ST6GAL1: variants seen among roughly 807,000 people sequenced by gnomAD.
ST6GAL1 encodes ST6 beta-galactoside alpha-2,6-sialyltransferase 1.
A neutral mutation model predicts 38.0 loss-of-function variants in ST6GAL1; 20 were observed. That is an observed-to-expected ratio of 0.53 (90% CI 0.37 to 0.77). The LOEUF is 0.77. ST6GAL1 is among the 30% of genes least tolerant of loss of function. The pLI is 0.00. For synonymous variants in ST6GAL1, 196 were observed against 188.2 expected, an observed-to-expected ratio of 1.04 and a Z score of -0.34; for missense variants, 432 against 496.4, an observed-to-expected ratio of 0.87 and a Z score of 1.23.
intron 1 of ST6GAL1, among the ~76,000 whole-genome samples, chr3:186,941,796 A>G (rs1038477021): frequency 4.6e-5 from 7 of 152,012 alleles, no homozygotes; most frequent in African/African-American, 1.7e-4. Flanking sequence ...GCGGATCATG[A>G]GGTCAGGAGA....
intron 5 of ST6GAL1, among the ~76,000 whole-genome samples, chr3:187,061,503 G>A (rs947379966): frequency 1.3e-5 from 2 of 152,024 alleles, no homozygotes; most frequent in African/African-American, 4.8e-5. Context: ...AATCGAGAGA[G>A]TGAGGTACAA....
At chr3:186,954,827 T>C (rs948018066) in intron 1 of ST6GAL1, among the ~76,000 whole-genome samples, 2 of 152,238 alleles carry the variant, frequency 1.3e-5, no homozygotes, top group African/African-American at 2.4e-5. Context: ...AGAAGCTCTT[T>C]AGTTTAATCA....
At chr3:186,998,679 A>T (rs1410643691) in intron 2 of ST6GAL1, among the ~76,000 whole-genome samples, 1 of 152,210 alleles carries the variant, frequency 6.6e-6, no homozygotes, top group East Asian at 1.9e-4. Context: ...ATTTAACTCA[A>T]TATATTCAAA....
At chr3:186,966,162 C>T (rs139506582) in intron 2 of ST6GAL1, among the ~76,000 whole-genome samples, 11,178 of 152,064 alleles carry the variant, frequency 0.074, 567 homozygotes, top group Non-Finnish European at 0.1. Flanking sequence ...GGCCTCCCAA[C>T]GTGCTGGGAT....
chr3:187,009,741 C>CA (rs1215209055), intron 2 of ST6GAL1, among the ~76,000 whole-genome samples: 1 of 152,130 alleles, frequency 6.6e-6, no homozygotes, highest in Non-Finnish European at 1.5e-5. Flanking sequence ...CATGGTGACT[C>CA]ACGGCTATAA....
At chr3:187,022,170 A>T (rs1579329094) in intron 2 of ST6GAL1, among the ~76,000 whole-genome samples, 1 of 152,274 alleles carries the variant, frequency 6.6e-6, no homozygotes, top group African/African-American at 2.4e-5. Flanking sequence ...CTCAATCTGT[A>T]GGATCTGACA....
At chr3:187,007,394 A>G (rs537768528) in intron 2 of ST6GAL1, among the ~76,000 whole-genome samples, 2 of 152,332 alleles carry the variant, frequency 1.3e-5, no homozygotes, top group East Asian at 3.9e-4. Context: ...CTATGATATT[A>G]ACAACCACCC....
chr3:186,949,337 T>C (rs184358271), intron 1 of ST6GAL1, among the ~76,000 whole-genome samples: 1 of 152,266 alleles, frequency 6.6e-6, no homozygotes, highest in East Asian at 1.9e-4. Context: ...GCCTCAGGGA[T>C]TGCCTTTGTG....
intron 6 of ST6GAL1, 38 bp downstream of exon 6, chr3:187,072,985 C>A: frequency 6.6e-7 from 1 of 1,504,730 alleles, no homozygotes; most frequent in South Asian, 1.1e-5. Flanking sequence ...GTTGAGTTTC[C>A]TGTCTGTCTA....
At chr3:187,009,399 T>C (rs573069135) in intron 2 of ST6GAL1, among the ~76,000 whole-genome samples, 1 of 152,296 alleles carries the variant, frequency 6.6e-6, no homozygotes, top group South Asian at 2.1e-4. Context: ...TTGATAATTG[T>C]TGATGCTAGG....
chr3:186,931,059 C>T (rs1713727094), intron 1 of ST6GAL1: 2 of 152,512 alleles, frequency 1.3e-5, no homozygotes, highest in South Asian at 4.1e-4. Context: ...CCTGGCTTCT[C>T]TCTGGCTCCG....
chr3:186,962,864 G>A (rs550931276), intron 1 of ST6GAL1, among the ~76,000 whole-genome samples: 50 of 152,224 alleles, frequency 3.3e-4, no homozygotes, highest in Non-Finnish European at 5.1e-4. Context: ...CCTTGGGTAC[G>A]TATATATTAT....
chr3:187,008,385 G>A (rs1199956809), intron 2 of ST6GAL1, among the ~76,000 whole-genome samples: 1 of 150,250 alleles, frequency 6.7e-6, no homozygotes, highest in African/African-American at 2.4e-5. Context: ...AGGAAGGAAG[G>A]AAGGAAGGAA....
intron 2 of ST6GAL1, among the ~76,000 whole-genome samples, chr3:186,964,824 C>T (rs6809750): frequency 0.22 from 34,157 of 152,078 alleles, 4,670 homozygotes; most frequent in African/African-American, 0.38. Flanking sequence ...AGGGCTTACC[C>T]TACCCCAGGC....
chr3:187,002,139 C>A (rs1716641745), intron 2 of ST6GAL1, among the ~76,000 whole-genome samples: 1 of 152,130 alleles, frequency 6.6e-6, no homozygotes, highest in South Asian at 2.1e-4. Context: ...CATCTTGAAA[C>A]AAATGGGAGG....
At chr3:187,014,209 TAA>T (rs1441954861) in intron 2 of ST6GAL1, among the ~76,000 whole-genome samples, 1 of 152,254 alleles carries the variant, frequency 6.6e-6, no homozygotes. Context: ...GACTGTCATG[TAA>T]TTTGCCTAAA....
At chr3:186,990,050 T>C (rs1191155044) in intron 2 of ST6GAL1, among the ~76,000 whole-genome samples, 1 of 152,194 alleles carries the variant, frequency 6.6e-6, no homozygotes, top group Non-Finnish European at 1.5e-5. Flanking sequence ...GTGGCTTAGT[T>C]CTTGACTGCG....
intron 1 of ST6GAL1, among the ~76,000 whole-genome samples, chr3:186,961,907 C>A (rs1321561940): frequency 6.6e-6 from 1 of 152,160 alleles, no homozygotes; most frequent in Non-Finnish European, 1.5e-5. Context: ...GCACTTTGCT[C>A]TTGTTCCCCC....
At chr3:187,028,569 T>TA (rs1717626417) in intron 2 of ST6GAL1, among the ~76,000 whole-genome samples, 1 of 152,110 alleles carries the variant, frequency 6.6e-6, no homozygotes, top group African/African-American at 2.4e-5. Flanking sequence ...TTTTTCTTTA[T>TA]ATAACCACAA....
Sources: allele counts gnomAD v4.1 joint callset (sites outside exome capture counted in the v4.1 genomes callset), GRCh38; gene constraint gnomAD v4.1.1; transcripts MANE v1.5; gene names NCBI Gene and HGNC (gene_info 2026-07-23, HGNC 2026-07-21).